Variants in LRBA observed in about 807,000 individuals in gnomAD.
LRBA encodes the protein LPS responsive beige-like anchor protein.
LRBA carries 176 observed loss-of-function variants against 330.0 expected under a neutral mutation model. The ratio of observed to expected loss-of-function variants is 0.53; its 90% CI spans 0.47 to 0.60. The LOEUF (loss-of-function observed/expected upper bound fraction) is 0.60, where lower values mean the gene tolerates loss of function less well. Ranked by LOEUF, LRBA falls within the 20% of genes least tolerant of loss-of-function variation. LRBA has a pLI of 0.00. For missense variants in LRBA, 3,259 were observed against 3,444.8 expected (o/e 0.95, Z 1.35); for synonymous variants, 1,230 against 1,193.0 (o/e 1.03, Z -0.64).
At chr4:150,880,655 A>G (rs1456807189) in intron 17 of LRBA, among the ~76,000 whole-genome samples, 1 of 152,222 alleles carries the variant, frequency 6.6e-6, no homozygotes, top group African/African-American at 2.4e-5. Context: ...ATTTATCACT[A>G]AGTCCTCAAA....
chr4:150,642,075 A>G (rs1199709603), intron 37 of LRBA, among the ~76,000 whole-genome samples: 1 of 152,028 alleles, frequency 6.6e-6, no homozygotes, highest in African/African-American at 2.4e-5. Flanking sequence ...TCTAAGTTTT[A>G]AACAAAAAAT....
chr4:150,341,034 T>C (rs191914945), intron 48 of LRBA, among the ~76,000 whole-genome samples: 331 of 152,286 alleles, frequency 2.2e-3, no homozygotes, highest in African/African-American at 5.5e-3. Flanking sequence ...AAGTGGACTG[T>C]AGGTAGGCAG....
chr4:150,655,129 A>G (rs1170144796), intron 37 of LRBA, among the ~76,000 whole-genome samples: 1 of 152,246 alleles, frequency 6.6e-6, no homozygotes. Flanking sequence ...ACTGACTTCC[A>G]CAATGGTTGA....
At chr4:150,713,471 C>T (rs1304696086) in intron 36 of LRBA, among the ~76,000 whole-genome samples, 1 of 152,102 alleles carries the variant, frequency 6.6e-6, no homozygotes. Flanking sequence ...AATCACTCAA[C>T]AAAAGGAAAT....
intron 34 of LRBA, among the ~76,000 whole-genome samples, chr4:150,794,446 T>C (rs1335507494): frequency 6.6e-6 from 1 of 151,276 alleles, no homozygotes; most frequent in Non-Finnish European, 1.5e-5. Context: ...GAAAAGAAAG[T>C]ACAGAAGAAC....
At chr4:151,004,059 C>T (rs1478950111) in intron 2 of LRBA, among the ~76,000 whole-genome samples, 3 of 151,950 alleles carry the variant, frequency 2.0e-5, no homozygotes, top group Non-Finnish European at 4.4e-5. Flanking sequence ...GCTGGGATTA[C>T]AGGCATACAC....
At chr4:150,995,296 T>G (rs980302424) in intron 2 of LRBA, among the ~76,000 whole-genome samples, 1 of 151,418 alleles carries the variant, frequency 6.6e-6, no homozygotes. Context: ...TTCAGTGATA[T>G]TCACAAATAA....
chr4:150,872,866 G>A (rs41280459), intron 17 of LRBA, 111 bp from the exon 18 acceptor site: 5,902 of 490,784 alleles, frequency 0.012, 37 homozygotes, highest in Non-Finnish European at 0.016. Context: ...TAATATGGAA[G>A]GAAATTTAAT....
At chr4:150,892,741 T>C (rs1163612060) in intron 17 of LRBA, among the ~76,000 whole-genome samples, 1 of 152,218 alleles carries the variant, frequency 6.6e-6, no homozygotes, top group Admixed American at 6.5e-5. Context: ...TATTTAATAC[T>C]ATCTAGGACC....
intron 9 of LRBA, among the ~76,000 whole-genome samples, chr4:150,912,507 G>A (rs1732119333): frequency 6.6e-6 from 1 of 152,166 alleles, no homozygotes; most frequent in South Asian, 2.1e-4. Context: ...ACATTATGGT[G>A]AGTCGTATAA....
At chr4:150,747,583 A>G (rs1191604394) in intron 35 of LRBA, among the ~76,000 whole-genome samples, 1 of 152,234 alleles carries the variant, frequency 6.6e-6, no homozygotes, top group Non-Finnish European at 1.5e-5. Flanking sequence ...ACAATCTAAT[A>G]TGGAAAGTTA....
chr4:150,894,455 C>A (rs1729839392), intron 16 of LRBA, among the ~76,000 whole-genome samples: 2 of 152,024 alleles, frequency 1.3e-5, no homozygotes, highest in African/African-American at 4.8e-5. Context: ...AGTTCTAGAC[C>A]CCCAAAAAAA....
chr4:150,369,012 T>C (rs889253087), intron 47 of LRBA, among the ~76,000 whole-genome samples: 1 of 152,128 alleles, frequency 6.6e-6, no homozygotes, highest in African/African-American at 2.4e-5. Flanking sequence ...CAAACAGCTA[T>C]TTTCCTTCTT....
intron 37 of LRBA, among the ~76,000 whole-genome samples, chr4:150,661,843 G>A (rs1025065292): frequency 6.6e-6 from 1 of 151,798 alleles, no homozygotes; most frequent in Non-Finnish European, 1.5e-5. Context: ...GGCTGGTCTC[G>A]AACTGACCTC....
intron 37 of LRBA, among the ~76,000 whole-genome samples, chr4:150,675,137 C>G (rs1782420346): frequency 6.6e-6 from 1 of 152,012 alleles, no homozygotes; most frequent in South Asian, 2.1e-4. Context: ...GAGGTTGATG[C>G]TACAGTGAGC....
chr4:150,537,180 A>G (rs4696496), intron 40 of LRBA, among the ~76,000 whole-genome samples: 2,619 of 152,326 alleles, frequency 0.017, 145 homozygotes, highest in Admixed American at 0.057. Flanking sequence ...AAAGCTGCAC[A>G]CCTACAACAA....
At chr4:150,363,552 A>T (rs183797679) in intron 47 of LRBA, among the ~76,000 whole-genome samples, 2 of 152,342 alleles carry the variant, frequency 1.3e-5, no homozygotes, top group Admixed American at 1.3e-4. Flanking sequence ...AAAACAATAA[A>T]TTCCAAAAGG....
chr4:150,628,537 T>C (rs2126658942), intron 37 of LRBA, among the ~76,000 whole-genome samples: 1 of 152,342 alleles, frequency 6.6e-6, no homozygotes, highest in South Asian at 2.1e-4. Context: ...AGAGATTATG[T>C]AAATGATACC....
At chr4:150,847,146 C>T (rs1749963651) in intron 26 of LRBA, among the ~76,000 whole-genome samples, 1 of 152,150 alleles carries the variant, frequency 6.6e-6, no homozygotes, top group Non-Finnish European at 1.5e-5. Flanking sequence ...ATTCTACCTT[C>T]ACCAATTATA....
Sources: gnomAD v4.1 joint callset for allele counts (sites outside exome capture counted in the v4.1 genomes callset) on GRCh38, gnomAD v4.1.1 for gene constraint, MANE v1.5 for transcripts, NCBI Gene and HGNC (gene_info 2026-07-23, HGNC 2026-07-21) for gene names.